The following DHX29 variants were observed in gnomAD, a reference collection of about 807,000 sequenced individuals.
The protein encoded by DHX29 is ATP-dependent RNA helicase DHX29.
In DHX29, 79 loss-of-function variants were observed where a neutral mutation model predicts 167.9. That is an observed-to-expected ratio of 0.47 (90% CI 0.39 to 0.57). DHX29 has a LOEUF of 0.57. Among genes scored for constraint, DHX29 ranks in the 20% least tolerant of loss-of-function variants. The pLI is 0.00. For missense variants in DHX29, 1,347 were observed against 1,593.4 expected, an observed-to-expected ratio of 0.85 and a Z score of 2.63; for synonymous variants, 530 against 546.0, an observed-to-expected ratio of 0.97 and a Z score of 0.41.
chr5:55,279,847 T>C (rs528810959), intron 12 of DHX29, among the ~76,000 whole-genome samples: 3 of 151,584 alleles, frequency 2.0e-5, no homozygotes, highest in Admixed American at 6.6e-5. Context: ...GCTGGCATTA[T>C]AGGTGCAAGC....
At chr5:55,298,312 G>A (rs1052455758) in intron 2 of DHX29, among the ~76,000 whole-genome samples, 1 of 152,202 alleles carries the variant, frequency 6.6e-6, no homozygotes, top group African/African-American at 2.4e-5. Context: ...AGAGATCAGA[G>A]TAGCAGAGAG....
intron 4 of DHX29, 131 bp downstream of exon 4, chr5:55,296,089 A>G (rs1748304928): frequency 1.9e-5 from 18 of 962,228 alleles, no homozygotes; most frequent in Middle Eastern, 3.5e-4. Context: ...AAAAGAACAG[A>G]AGGTAAGAAC....
intron 21 of DHX29, 48 bp from the exon 22 acceptor site, chr5:55,267,870 T>A: frequency 7.0e-7 from 1 of 1,435,978 alleles, no homozygotes; most frequent in Non-Finnish European, 9.3e-7. Context: ...TAAAGAGCAA[T>A]ACAGTGAAAG....
intron 12 of DHX29, 126 bp from the exon 13 acceptor site, chr5:55,277,408 C>T (rs1747173783): frequency 1.1e-5 from 6 of 540,678 alleles, no homozygotes; most frequent in South Asian, 3.3e-5. Flanking sequence ...AGTACATGTG[C>T]GGGGAGGGAG....
intron 6 of DHX29, among the ~76,000 whole-genome samples, chr5:55,291,388 G>T (rs1748038857): frequency 2.0e-5 from 3 of 152,160 alleles, no homozygotes; most frequent in African/African-American, 7.2e-5. Flanking sequence ...TATCAATACA[G>T]TGTAACAGAC....
chr5:55,267,642 C>A, intron 22 of DHX29, 44 bp downstream of exon 22: 1 of 1,536,242 alleles, frequency 6.5e-7, no homozygotes, highest in African/African-American at 1.4e-5. Flanking sequence ...AGTAAATAAC[C>A]TCAGGTAATT....
chr5:55,282,792 T>C (rs1323998531), intron 11 of DHX29, among the ~76,000 whole-genome samples: 1 of 152,196 alleles, frequency 6.6e-6, no homozygotes, highest in African/African-American at 2.4e-5. Flanking sequence ...TAATTTATAC[T>C]GTTTTTCCCT....
intron 6 of DHX29, among the ~76,000 whole-genome samples, chr5:55,292,922 T>C (rs887685612): frequency 6.6e-6 from 1 of 152,182 alleles, no homozygotes; most frequent in African/African-American, 2.4e-5. Flanking sequence ...AGACTTATAC[T>C]GCCCTAAATA....
rs1747908596 is a variant in DHX29 at position 55,289,283 on chromosome 5, A to G, written c.1053T>C (p.Thr351=). Residue 351 remains threonine (T), a synonymous_variant, in exon 8 of 27, where the codon ACT becomes ACC. Transcript: ENST00000251636. ...FNLFEKSAAA[T]EEEKDKKKEP... ...CCTTAATTTTACCTTTCTCTTCTTCAGTAGCAGCTGCAGATTTTTCAAATA... is the reference window on the plus strand; with the variant it reads ...CCTTAATTTTACCTTTCTCTTCTTCGGTAGCAGCTGCAGATTTTTCAAATA... 3.8e-6 allele frequency: 6 copies of G among 1,570,480 alleles called. No homozygotes were observed. Among genetic ancestry groups the G allele is most frequent in the South Asian group, 1.2e-5 (1 of 82,344 alleles).
At chr5:55,264,060 T>C (rs748241844) in intron 23 of DHX29, among the ~76,000 whole-genome samples, 1 of 151,936 alleles carries the variant, frequency 6.6e-6, no homozygotes, top group Non-Finnish European at 1.5e-5. Flanking sequence ...TTTGGGAGAC[T>C]GAGATGGGAG....
intron 11 of DHX29, among the ~76,000 whole-genome samples, chr5:55,282,206 G>T (rs1019497324): frequency 6.6e-6 from 1 of 152,074 alleles, no homozygotes; most frequent in Non-Finnish European, 1.5e-5. Context: ...AATAATCATG[G>T]AGCAAAATAT....
chr5:55,276,524 T>A, intron 13 of DHX29, 118 bp from the exon 14 acceptor site: 1 of 811,326 alleles, frequency 1.2e-6, no homozygotes. Context: ...TAGAATATTA[T>A]GAAAAAAAAT....
chr5:55,305,429 A>G (rs1257834569), intron 1 of DHX29, among the ~76,000 whole-genome samples: 1 of 152,244 alleles, frequency 6.6e-6, no homozygotes, highest in Non-Finnish European at 1.5e-5. Flanking sequence ...AGTTGAATAG[A>G]GGAATTATTA....
chr5:55,275,130 T>A, intron 14 of DHX29, 120 bp from the exon 15 acceptor site: 1 of 1,166,012 alleles, frequency 8.6e-7, no homozygotes, highest in Non-Finnish European at 1.2e-6. Flanking sequence ...TTGTCACCAT[T>A]ACTATTTTGT....
chr5:55,296,735 GATTTA>G lies in DHX29; in HGVS notation c.376-391_376-387del, dbSNP rs139582749. Among the ~76,000 whole-genome samples the G allele has an allele frequency of 9.1e-3, 1,383 of 152,014 alleles. 19 individuals carry two copies. Among genetic ancestry groups the G allele is most frequent in the African/African-American group, 0.032 (1,307 of 41,460 alleles). The stretch of plus-strand genomic sequence containing the variant: ...ATATTCCACTGGGTGGACATATCCT[GATTTA>G]ATTTTATATTTTTCTATGGCTGAAC... On this transcript the variant is annotated intron_variant, in intron 3 of 26. Coordinates refer to ENST00000251636, the MANE Select transcript of DHX29 (RefSeq NM_019030.4).
intron 1 of DHX29, among the ~76,000 whole-genome samples, chr5:55,306,098 T>C (rs1748844049): frequency 6.6e-6 from 1 of 152,224 alleles, no homozygotes. Flanking sequence ...GCCATAGTTG[T>C]CAGGGAGAAA....
chr5:55,284,596 GAAGA>G lies in DHX29; in HGVS notation c.1356+693_1356+696del, dbSNP rs571139759. Among the ~76,000 whole-genome samples, 60 of 152,198 alleles carry G rather than the reference GAAGA, an allele frequency of 3.9e-4. No homozygotes were observed. The Middle Eastern group carries it at 0.02, about 52-fold the overall frequency. On this transcript the variant is annotated intron_variant, in intron 10 of 26. Coordinates refer to ENST00000251636, the MANE Select transcript of DHX29 (RefSeq NM_019030.4). ...ATTTTCAATGGTTCTAATTTCCTACGAAGAAAGAAACACATTTACTGTAAAAAGG... is the reference window on the plus strand; with the variant it reads ...ATTTTCAATGGTTCTAATTTCCTACGAAGAAACACATTTACTGTAAAAAGG...
chr5:55,262,664 A>C lies in DHX29; in HGVS notation c.3794T>G (p.Leu1265Trp), dbSNP rs1223128172. The C allele has an allele frequency of 6.2e-7, 1 of 1,614,086 alleles. No homozygotes were observed. The highest frequency in any genetic ancestry group is 8.5e-7 in the Non-Finnish European group (1 of 1,179,956). The change falls in exon 24 of 27, where the codon TTG (leucine) becomes TGG (tryptophan). Residue 1265 changes from leucine to tryptophan, a missense_variant. Transcript: ENST00000251636. ...GTATAAGAGCCATCCATGAGTTTGCAAATCTCGATTTACTGAGGATGGGTG... is the reference window on the plus strand; with the variant it reads ...GTATAAGAGCCATCCATGAGTTTGCCAATCTCGATTTACTGAGGATGGGTG... ...QVHPSSVNRDLQTHGWLLYQE... is the reference protein window; with the variant it reads ...QVHPSSVNRDWQTHGWLLYQE...
intron 24 of DHX29, 104 bp downstream of exon 24, chr5:55,262,526 C>T: frequency 7.2e-7 from 1 of 1,392,856 alleles, no homozygotes; most frequent in Non-Finnish European, 9.8e-7. Flanking sequence ...ATGAATAGCT[C>T]AATTTGAGAA....
Sources: gnomAD v4.1 joint callset for allele counts (sites outside exome capture counted in the v4.1 genomes callset) on GRCh38, gnomAD v4.1.1 for gene constraint, MANE v1.5 for transcripts, NCBI Gene and HGNC (gene_info 2026-07-23, HGNC 2026-07-21) for gene names.